The following CTDSPL variants were observed in gnomAD, a reference collection of about 807,000 sequenced individuals.
CTDSPL encodes the protein CTD small phosphatase-like protein.
A neutral mutation model predicts 30.5 loss-of-function variants in CTDSPL; 8 were observed. That is an observed-to-expected ratio of 0.26 (90% confidence interval 0.15 to 0.47). The LOEUF (loss-of-function observed/expected upper bound fraction) is 0.47. Among genes scored for constraint, CTDSPL ranks in the 20% least tolerant of loss-of-function variants. The pLI, the probability that CTDSPL is intolerant of heterozygous loss-of-function variation, is 0.99. For synonymous variants in CTDSPL, 110 were observed against 137.9 expected (o/e 0.80, Z 1.42); for missense variants, 248 against 366.1 (o/e 0.68, Z 2.63).
intron 4 of CTDSPL, 126 bp from the exon 5 acceptor site, chr3:37,967,700 A>C (rs770524675): frequency 2.5e-4 from 157 of 628,370 alleles, no homozygotes; most frequent in Non-Finnish European, 3.5e-4. Flanking sequence ...ATGCTTCATC[A>C]TCCTCCTCCT....
intron 1 of CTDSPL, among the ~76,000 whole-genome samples, chr3:37,884,170 A>C (rs1698238940): frequency 6.6e-6 from 1 of 152,244 alleles, no homozygotes; most frequent in Non-Finnish European, 1.5e-5. Flanking sequence ...ATAATAGCAA[A>C]AAATATTGAA....
chr3:37,877,013 G>A (rs1698142460), intron 1 of CTDSPL, among the ~76,000 whole-genome samples: 1 of 151,616 alleles, frequency 6.6e-6, no homozygotes, highest in Non-Finnish European at 1.5e-5. Flanking sequence ...GGTTGAGGAA[G>A]GAGAATCGCT....
intron 7 of CTDSPL, 137 bp from the exon 8 acceptor site, chr3:37,980,605 A>G (rs573721527): frequency 1.6e-6 from 2 of 1,230,974 alleles, no homozygotes; most frequent in Non-Finnish European, 2.2e-6. Flanking sequence ...GGAACAAACA[A>G]AATCATGATG....
At chr3:37,869,146 A>G (rs997900260) in intron 1 of CTDSPL, among the ~76,000 whole-genome samples, 1 of 152,092 alleles carries the variant, frequency 6.6e-6, no homozygotes, top group African/African-American at 2.4e-5. Flanking sequence ...TTTTTAAACT[A>G]TACATATTTT....
chr3:37,979,693 G>A (rs751049204), intron 7 of CTDSPL, among the ~76,000 whole-genome samples: 27 of 152,214 alleles, frequency 1.8e-4, no homozygotes, highest in Admixed American at 3.9e-4. Context: ...GAGCCCAGGA[G>A]GTCAAGGCTA....
At chr3:37,905,301 A>C (rs1698500676) in intron 1 of CTDSPL, among the ~76,000 whole-genome samples, 2 of 152,258 alleles carry the variant, frequency 1.3e-5, no homozygotes, top group African/African-American at 4.8e-5. Flanking sequence ...AGAATATATA[A>C]AGGAAATTAA....
chr3:37,886,528 G>A (rs1015498521), intron 1 of CTDSPL, among the ~76,000 whole-genome samples: 3 of 152,062 alleles, frequency 2.0e-5, no homozygotes, highest in African/African-American at 7.2e-5. Context: ...TCCAGTAAAG[G>A]CTTAGGTAGG....
chr3:37,968,650 A>G (rs1305043233), intron 5 of CTDSPL, among the ~76,000 whole-genome samples: 1 of 152,190 alleles, frequency 6.6e-6, no homozygotes, highest in Admixed American at 6.5e-5. Flanking sequence ...TATCCCAGGA[A>G]GGAGACTTTC....
chr3:37,876,985 A>T (rs1698142001), intron 1 of CTDSPL, among the ~76,000 whole-genome samples: 1 of 151,886 alleles, frequency 6.6e-6, no homozygotes, highest in African/African-American at 2.4e-5. Context: ...GCACGCCTGT[A>T]ATCCCAGCTA....
intron 1 of CTDSPL, among the ~76,000 whole-genome samples, chr3:37,890,764 G>T (rs1340225884): frequency 6.6e-6 from 1 of 152,086 alleles, no homozygotes; most frequent in Non-Finnish European, 1.5e-5. Context: ...CAGGTAACTG[G>T]GCTATCTCCT....
intron 1 of CTDSPL, among the ~76,000 whole-genome samples, chr3:37,881,506 A>G (rs1575279746): frequency 6.6e-6 from 1 of 152,138 alleles, no homozygotes; most frequent in East Asian, 1.9e-4. Flanking sequence ...TCCAGCCTGG[A>G]TGACAGTGCG....
intron 1 of CTDSPL, among the ~76,000 whole-genome samples, chr3:37,902,682 A>G (rs181102806): frequency 2.6e-5 from 4 of 152,088 alleles, no homozygotes; most frequent in South Asian, 4.1e-4. Flanking sequence ...TGCATCTCAC[A>G]TTCAAACCCC....
intron 1 of CTDSPL, among the ~76,000 whole-genome samples, chr3:37,937,145 AAGGAG>A (rs1698926004): frequency 6.6e-6 from 1 of 150,416 alleles, no homozygotes; most frequent in East Asian, 1.9e-4. Flanking sequence ...ACTCACAGCC[AAGGAG>A]TAGGATGGGA....
chr3:37,923,366 A>G (rs772462616), intron 1 of CTDSPL, among the ~76,000 whole-genome samples: 1 of 152,228 alleles, frequency 6.6e-6, no homozygotes, highest in Non-Finnish European at 1.5e-5. Context: ...AGACTTCCAC[A>G]GAACTGCCAT....
At chr3:37,884,413 G>A (rs1017972734) in intron 1 of CTDSPL, among the ~76,000 whole-genome samples, 2 of 152,192 alleles carry the variant, frequency 1.3e-5, no homozygotes, top group African/African-American at 4.8e-5. Flanking sequence ...TCTAACAGCA[G>A]TTATCTATGA....
chr3:37,965,530 G>A (rs1053875407), intron 4 of CTDSPL, among the ~76,000 whole-genome samples: 2 of 152,150 alleles, frequency 1.3e-5, no homozygotes, highest in Non-Finnish European at 2.9e-5. Flanking sequence ...ATTATTTCTG[G>A]TAATGGGACT....
chr3:37,902,625 T>G (rs1439959993), intron 1 of CTDSPL, among the ~76,000 whole-genome samples: 1 of 152,166 alleles, frequency 6.6e-6, no homozygotes, highest in African/African-American at 2.4e-5. Flanking sequence ...TTGTTTCTCC[T>G]TCTCTGTCTG....
chr3:37,948,167 C>A (rs1699064101), intron 2 of CTDSPL, among the ~76,000 whole-genome samples: 1 of 152,110 alleles, frequency 6.6e-6, no homozygotes, highest in Non-Finnish European at 1.5e-5. Context: ...ACCTGTAATC[C>A]CAGCTACTCG....
chr3:37,914,570 T>G (rs956784124), intron 1 of CTDSPL, among the ~76,000 whole-genome samples: 8 of 152,270 alleles, frequency 5.3e-5, no homozygotes, highest in Non-Finnish European at 1.0e-4. Flanking sequence ...ATTATTTTTC[T>G]GAATCTATGG....
Sources: gnomAD v4.1 joint callset for allele counts (sites outside exome capture counted in the v4.1 genomes callset) on GRCh38, gnomAD v4.1.1 for gene constraint, MANE v1.5 for transcripts, NCBI Gene and HGNC (gene_info 2026-07-23, HGNC 2026-07-21) for gene names.